The following PSME4 variants were observed in gnomAD, a reference collection of about 807,000 sequenced individuals.
PSME4 encodes proteasome activator subunit 4.
PSME4 carries 89 observed loss-of-function variants against 253.9 expected under a neutral mutation model. That is an observed-to-expected ratio of 0.35 (90% CI 0.30 to 0.42). The LOEUF is 0.42. PSME4 is among the 10% of genes least tolerant of loss of function. The pLI, the probability that PSME4 is intolerant of heterozygous loss-of-function variation, is 1.00. For synonymous variants in PSME4, 851 were observed against 759.2 expected (o/e 1.12, Z -1.99); for missense variants, 2,014 against 2,195.2 (o/e 0.92, Z 1.65).
At chr2:53,876,071 T>C (rs559452480) in intron 41 of PSME4, among the ~76,000 whole-genome samples, 2 of 152,310 alleles carry the variant, frequency 1.3e-5, no homozygotes, top group African/African-American at 2.4e-5. Flanking sequence ...AAAAGAATCA[T>C]GTAATGGACA....
chr2:53,941,744 A>G (rs1404994), intron 3 of PSME4, among the ~76,000 whole-genome samples: 25,730 of 152,050 alleles, frequency 0.17, 3,187 homozygotes, highest in African/African-American at 0.35. Flanking sequence ...CTAAAATTGT[A>G]AACTGTTTAT....
At chr2:53,901,963 A>T (rs1680419793) in intron 27 of PSME4, among the ~76,000 whole-genome samples, 1 of 152,182 alleles carries the variant, frequency 6.6e-6, no homozygotes, top group African/African-American at 2.4e-5. Context: ...GCTCCTCAGG[A>T]GGCTGAGGTG....
At chr2:53,924,600 T>C (rs1336541541) in intron 14 of PSME4, among the ~76,000 whole-genome samples, 2 of 152,222 alleles carry the variant, frequency 1.3e-5, no homozygotes, top group African/African-American at 4.8e-5. Flanking sequence ...TTTTTAATTG[T>C]AAAATTAAAA....
intron 31 of PSME4, 95 bp downstream of exon 31, chr2:53,897,775 A>G: frequency 7.4e-7 from 1 of 1,352,694 alleles, no homozygotes; most frequent in Non-Finnish European, 1.0e-6. Context: ...CAAGATATTT[A>G]TTAACCAAGT....
In PSME4 at chr2:53,928,187, G is replaced by A; in HGVS notation, c.1433C>T (p.Pro478Leu). 1 of 1,614,060 alleles carries A rather than the reference G, an allele frequency of 6.2e-7. No homozygotes were observed. Among genetic ancestry groups the A allele is most frequent in the Non-Finnish European group, 8.5e-7 (1 of 1,180,016 alleles). The change falls in exon 11 of 47, where the codon CCT (proline) becomes CTT (leucine). Residue 478 changes from proline to leucine, a missense_variant. Pro to Leu is a moderately conservative substitution (Grantham distance 98). This residue lies in a region of PSME4 where 615 missense variants were observed against 594.4 expected (regional missense o/e 1.03). Coordinates refer to ENST00000404125, the MANE Select transcript of PSME4 (RefSeq NM_014614.3). ...CATCAACAGAGGTAGCATATGTGTA[G>A]GACCTTCAGGAAACCATCTGCCTCC... Reference protein sequence around the residue: ...VSGGRWFPEGPTHMLPLLMRA... With the variant: ...VSGGRWFPEGLTHMLPLLMRA...
At chr2:53,953,576 A>G (rs1478878867) in intron 1 of PSME4, among the ~76,000 whole-genome samples, 1 of 150,212 alleles carries the variant, frequency 6.7e-6, no homozygotes, top group East Asian at 1.9e-4. Flanking sequence ...TCCTAGGAAT[A>G]TTAAATCTCA....
chr2:53,946,438 G>A (rs184771121), intron 3 of PSME4, among the ~76,000 whole-genome samples: 1 of 152,176 alleles, frequency 6.6e-6, no homozygotes, highest in Non-Finnish European at 1.5e-5. Flanking sequence ...CACCCTGAAT[G>A]TGCCCAATCT....
Position 53,928,166 on chromosome 2 carries a change from A to G in PSME4, c.1454T>C (p.Leu485Ser). 1 of 1,614,074 alleles carries G rather than the reference A, an allele frequency of 6.2e-7. No homozygotes were observed. Among genetic ancestry groups the G allele is most frequent in the Non-Finnish European group, 8.5e-7 (1 of 1,180,000 alleles). The change falls in exon 11 of 47, where the codon TTG becomes TCG. Residue 485 changes from leucine (L) to serine (S), a missense_variant. Leu to Ser is a moderately radical substitution (Grantham distance 145). This residue lies in a region of PSME4 where 615 missense variants were observed against 594.4 expected (regional missense o/e 1.03). Coordinates refer to ENST00000404125, the MANE Select transcript of PSME4 (RefSeq NM_014614.3). Reference protein sequence around the residue: ...PEGPTHMLPLLMRALPGVDPN... With the variant: ...PEGPTHMLPLSMRALPGVDPN... ...ATCCACCCCAGGCAATGCTCTCATC[A>G]ACAGAGGTAGCATATGTGTAGGACC...
intron 20 of PSME4, among the ~76,000 whole-genome samples, chr2:53,912,422 T>C (rs7605552): frequency 0.051 from 7,790 of 152,268 alleles, 426 homozygotes; most frequent in East Asian, 0.29. Context: ...TGGATTAACA[T>C]GATTTACAAT....
At chr2:53,887,778 C>G in intron 39 of PSME4, 80 bp downstream of exon 39, 1 of 1,416,956 alleles carries the variant, frequency 7.1e-7, no homozygotes, top group South Asian at 1.4e-5. Flanking sequence ...ACATAACCAG[C>G]ATGTATTATT....
chr2:53,892,200 T>C (rs1679940002), intron 36 of PSME4, among the ~76,000 whole-genome samples: 1 of 152,212 alleles, frequency 6.6e-6, no homozygotes, highest in African/African-American at 2.4e-5. Flanking sequence ...AAAAACCCTA[T>C]TTGTGTCATC....
chr2:53,930,531 C>A (rs1346295766), intron 10 of PSME4, among the ~76,000 whole-genome samples: 1 of 152,110 alleles, frequency 6.6e-6, no homozygotes, highest in Admixed American at 6.5e-5. Context: ...TAATTAAGTT[C>A]TATAAGCTGG....
chr2:53,869,621 G>C, intron 43 of PSME4, 83 bp from the exon 44 acceptor site: 1 of 1,135,772 alleles, frequency 8.8e-7, no homozygotes, highest in Non-Finnish European at 1.2e-6. Context: ...TGGGAACTGG[G>C]GTGAAGACCT....
intron 36 of PSME4, among the ~76,000 whole-genome samples, chr2:53,891,962 A>C (rs1679929566): frequency 1.3e-5 from 2 of 152,148 alleles, no homozygotes; most frequent in Admixed American, 1.3e-4. Context: ...GAATTCTTCA[A>C]TCAGCAGGAA....
At chr2:53,879,634 G>A (rs1056433399) in intron 41 of PSME4, among the ~76,000 whole-genome samples, 67 of 152,150 alleles carry the variant, frequency 4.4e-4, no homozygotes, top group Admixed American at 3.7e-3. Flanking sequence ...GAAAATGCCA[G>A]TACGAGCTAT....
chr2:53,962,558 T>C (rs1279601333), intron 1 of PSME4, among the ~76,000 whole-genome samples: 2 of 152,212 alleles, frequency 1.3e-5, no homozygotes, highest in South Asian at 2.1e-4. Context: ...TTCTTTTTTC[T>C]AACTGCCTTT....
At chr2:53,922,965 T>C (rs1055125548) in intron 16 of PSME4, 84 bp downstream of exon 16, 10 of 1,088,222 alleles carry the variant, frequency 9.2e-6, no homozygotes, top group South Asian at 6.4e-5. Flanking sequence ...GCTAAAGGAA[T>C]CTGTTGTCAT....
intron 1 of PSME4, among the ~76,000 whole-genome samples, chr2:53,969,687 G>GTT (rs61560289): frequency 0.04 from 5,572 of 138,910 alleles, 141 homozygotes; most frequent in Non-Finnish European, 0.059. Flanking sequence ...ATTTTCACTC[G>GTT]TTTTTTTTTT....
At chr2:53,901,644 T>A in intron 27 of PSME4, 85 bp from the exon 28 acceptor site, 1 of 1,039,272 alleles carries the variant, frequency 9.6e-7, no homozygotes, top group Non-Finnish European at 1.4e-6. Flanking sequence ...GTATTGGTTT[T>A]AAATGAGTAT....
Sources: gnomAD v4.1 joint callset for allele counts (sites outside exome capture counted in the v4.1 genomes callset) on GRCh38, gnomAD v4.1.1 for gene constraint, gnomAD v4.1.1 regional missense constraint, MANE v1.5 for transcripts, NCBI Gene and HGNC (gene_info 2026-07-23, HGNC 2026-07-21) for gene names.